The following PLG variants were observed in gnomAD, a reference collection of about 807,000 sequenced individuals.
PLG encodes the protein plasmin.
A neutral mutation model predicts 104.4 loss-of-function variants in PLG; 41 were observed. The ratio of observed to expected loss-of-function variants is 0.39; its 90% CI spans 0.31 to 0.51. PLG has a LOEUF of 0.51. PLG is among the 20% of genes least tolerant of loss of function. PLG has a pLI of 0.76. For missense variants in PLG, 891 were observed against 1,003.6 expected (o/e 0.89, Z 1.52); for synonymous variants, 337 against 357.1 (o/e 0.94, Z 0.63).
At position 160,718,379 on chromosome 6, in the gene PLG, G is replaced by A. The variant is rs1428540837; in HGVS notation, c.873G>A (p.Val291=). 2 of 1,613,642 alleles carry A rather than the reference G, an allele frequency of 1.2e-6. No homozygotes were observed. Among genetic ancestry groups the A allele is most frequent in the South Asian group, 1.1e-5 (1 of 91,066 alleles). ...ENYRGNVAVT[V]SGHTCQHWSA... ...ATCGCGGGAATGTGGCTGTTACCGT[G>A]TCCGGGCACACCTGTCAGCACTGGA... The change falls in exon 8 of 19, where the codon GTG becomes GTA. Residue 291 remains valine (V), a synonymous_variant. Transcript: ENST00000308192.
chr6:160,713,205 G>A, intron 5 of PLG, 80 bp downstream of exon 5: 1 of 1,076,084 alleles, frequency 9.3e-7, no homozygotes, highest in Non-Finnish European at 1.4e-6. Flanking sequence ...CTTCCCACAG[G>A]GATGTTATTA....
chr6:160,702,221 T>C (rs1163011340), upstream of PLG: 8 of 1,505,266 alleles, frequency 5.3e-6, no homozygotes, highest in East Asian at 1.8e-4. Context: ...GACTATCTGG[T>C]TTGTGGATGC....
At chr6:160,707,502 A>C (rs1190843555) in intron 2 of PLG, among the ~76,000 whole-genome samples, 198 bp from the exon 3 acceptor site, 1 of 152,180 alleles carries the variant, frequency 6.6e-6, no homozygotes, top group Non-Finnish European at 1.5e-5. Context: ...AAGGGCAGAT[A>C]AGATTTGCTG....
At chr6:160,727,287 T>G (rs1562377282) in intron 10 of PLG, among the ~76,000 whole-genome samples, 1 of 151,766 alleles carries the variant, frequency 6.6e-6, no homozygotes, top group East Asian at 1.9e-4. Context: ...GTATATAATC[T>G]TTAATATGTT....
In PLG at chr6:160,740,479, C is replaced by T. The variant is rs1340908565; in HGVS notation, c.2019-832C>T. ...GTTCCCACCCCACATCCCCACACCC[C>T]GAGTCTAGGGCATTTAGTGCTCCAC... is the stretch of plus-strand genomic sequence containing the variant. On this transcript the variant is annotated intron_variant, in intron 16 of 18. Transcript: ENST00000308192. This position sits in a 1 kb window ranked among gnomAD's most constrained non-coding sequence, Gnocchi z 5.2. 2.6e-5 allele frequency among the ~76,000 whole-genome samples: 4 copies of T among 152,138 alleles called. No individual in the cohort carries two copies. The highest frequency in any genetic ancestry group is 4.8e-5 in the African/African-American group (2 of 41,432).
At position 160,752,984 on chromosome 6, in the gene PLG, C is replaced by A. The variant is rs200857824; in HGVS notation, c.2356C>A (p.Arg786Ser). The change falls in exon 19 of 19, where the codon CGC (arginine) becomes AGC (serine). Residue 786 changes from arginine to serine, a missense_variant. Around this residue, in one of 2 missense-constraint regions of PLG, gnomAD observed 37 missense variants for 71.5 expected, o/e 0.52. Coordinates refer to ENST00000308192, the MANE Select transcript of PLG (RefSeq NM_000301.5). The surrounding 1 kb of genome is among the most constrained non-coding windows in gnomAD (Gnocchi z 4.7). ...GVTSWGLGCARPNKPGVYVRV... is the reference protein window; with the variant it reads ...GVTSWGLGCASPNKPGVYVRV... ...CACTTCTTGGGGTCTTGGCTGTGCA[C>A]GCCCCAATAAGCCTGGTGTCTATGT... 1.2e-6 allele frequency: 2 copies of A among 1,610,036 alleles called. No homozygotes were observed. Among genetic ancestry groups the A allele is most frequent in the African/African-American group, 1.3e-5 (1 of 74,746 alleles).
intron 12 of PLG, 77 bp from the exon 13 acceptor site, chr6:160,733,918 A>T: frequency 1.3e-6 from 1 of 778,550 alleles, no homozygotes; most frequent in Non-Finnish European, 2.4e-6. Flanking sequence ...GATAGACATG[A>T]AATGCGTGAG....
intron 3 of PLG, 39 bp downstream of exon 3, chr6:160,707,845 C>A: frequency 1.5e-6 from 2 of 1,321,380 alleles, no homozygotes; most frequent in South Asian, 1.2e-5. Flanking sequence ...ACTGTCCTCC[C>A]CATCCTCCCA....
In PLG at chr6:160,711,189, T is replaced by G. The variant is rs544452740; in HGVS notation, c.405T>G (p.Pro135=). 9.9e-6 allele frequency: 16 copies of G among 1,613,278 alleles called. No homozygotes were observed. The Middle Eastern group carries it at 5.0e-4, about 50-fold the overall frequency. The change falls in exon 4 of 19, where the codon CCT becomes CCG. Residue 135 remains proline (P), a splice_region_variant and synonymous_variant. Coordinates refer to ENST00000308192, the MANE Select transcript of PLG (RefSeq NM_000301.5). ...QKWSSTSPHR[P]RFSPATHPSE... ...GGAGTTCCACTTCTCCCCACAGACC[T>G]AGGTAAGACATTCCCTTTCATCTTT...
chr6:160,702,438 A>G (rs1777435223), intron 1 of PLG, 85 bp downstream of exon 1: 2 of 1,317,594 alleles, frequency 1.5e-6, no homozygotes, highest in African/African-American at 3.0e-5. Flanking sequence ...TTTATGTGCA[A>G]TTCATTTAAT....
intron 17 of PLG, among the ~76,000 whole-genome samples, chr6:160,747,760 C>T (rs777605871): frequency 1.9e-4 from 29 of 152,160 alleles, no homozygotes; most frequent in Non-Finnish European, 3.8e-4. Context: ...CCTTTCTGCA[C>T]TGCTGGGTCT....
At chr6:160,712,205 A>G in intron 4 of PLG, 1 of 157,738 alleles carries the variant, frequency 6.3e-6, no homozygotes, top group Non-Finnish European at 1.4e-5. Context: ...GAGGGAACTG[A>G]GGTCTCGGGG....
Position 160,736,221 on chromosome 6 carries a change from G to C in PLG, c.1682-666G>C, listed in dbSNP as rs1265181481. On this transcript the variant is annotated intron_variant, in intron 13 of 18. Coordinates refer to ENST00000308192, the MANE Select transcript of PLG (RefSeq NM_000301.5). This position sits in a 1 kb window ranked among gnomAD's most constrained non-coding sequence, Gnocchi z 5.2. The stretch of plus-strand genomic sequence containing the variant: ...CCAGAGACCCTGTGGGCTGGCTACA[G>C]AGAGAAGGCAGGGAGGAGGAAAAGA... Among the ~76,000 whole-genome samples the C allele has an allele frequency of 6.6e-6, 1 of 152,232 alleles. No individual in the cohort carries two copies. The highest frequency in any genetic ancestry group is 1.5e-5 in the Non-Finnish European group (1 of 68,030).
chr6:160,753,299 T>G lies in PLG; in HGVS notation c.*238T>G. 1 of 547,938 alleles carries G rather than the reference T, an allele frequency of 1.8e-6. No homozygotes were observed. The highest frequency in any genetic ancestry group is 2.0e-5 in the South Asian group (1 of 49,412). 33.9% of individuals were successfully genotyped at this position (547,938 alleles called of 1,614,324 possible). On this transcript the variant is annotated 3_prime_UTR_variant, in exon 19 of 19. Transcript: ENST00000308192. The surrounding 1 kb of genome is among the most constrained non-coding windows in gnomAD (Gnocchi z 5.4). ...TACTTAACTTTGATTTGAGTAAATT[T>G]TGGTTTTGGTCTTCAACATTTTCAT...
intron 17 of PLG, among the ~76,000 whole-genome samples, chr6:160,750,221 C>T (rs986399846): frequency 1.3e-5 from 2 of 152,180 alleles, no homozygotes; most frequent in Non-Finnish European, 2.9e-5. Context: ...TTTTCCAGGT[C>T]AGCCATCATC....
At chr6:160,750,353 C>T (rs1778382686) in intron 17 of PLG, among the ~76,000 whole-genome samples, 1 of 152,204 alleles carries the variant, frequency 6.6e-6, no homozygotes, top group South Asian at 2.1e-4. Flanking sequence ...GGTGCCATCT[C>T]TACATCTACC....
intron 2 of PLG, 86 bp downstream of exon 2, chr6:160,706,628 G>C: frequency 2.2e-6 from 3 of 1,366,158 alleles, no homozygotes; most frequent in Non-Finnish European, 3.1e-6. Context: ...TGATTTAAGA[G>C]GAAAGAGAAA....
Position 160,735,986 on chromosome 6 carries a change from C to T in PLG, c.1682-901C>T, listed in dbSNP as rs1310798024. On this transcript the variant is annotated intron_variant, in intron 13 of 18. Transcript: ENST00000308192. The surrounding 1 kb of genome is among the most constrained non-coding windows in gnomAD (Gnocchi z 5.4). ...AACCCAGGTTCCAGATTCACTAGAG[C>T]ATAGAATCTCTGGTTGGTTGGGAAG... Among the ~76,000 whole-genome samples, 1 of 152,192 alleles carries T rather than the reference C, an allele frequency of 6.6e-6. No individual in the cohort carries two copies. Among genetic ancestry groups the T allele is most frequent in the Non-Finnish European group, 1.5e-5 (1 of 68,038 alleles).
Position 160,718,849 on chromosome 6 carries a change from G to C in PLG, c.1096+11G>C, listed in dbSNP as rs748326693. The stretch of plus-strand genomic sequence containing the variant: ...AATTGGCTCCCACAGGTAAGCAAGG[G>C]TATGGGAGCTTACTGAGGGCCCAAG... On this transcript the variant is annotated intron_variant, in intron 9 of 18. Transcript: ENST00000308192. 4 of 1,612,926 alleles carry C rather than the reference G, an allele frequency of 2.5e-6. No individual in the cohort carries two copies. The Admixed American group carries it at 6.7e-5, about 27-fold the overall frequency.
Sources: allele counts gnomAD v4.1 joint callset (sites outside exome capture counted in the v4.1 genomes callset), GRCh38; gene constraint gnomAD v4.1.1; regional missense constraint gnomAD v4.1.1; non-coding constraint Gnocchi (gnomAD v3.1); transcripts MANE v1.5; gene names NCBI Gene and HGNC (gene_info 2026-07-23, HGNC 2026-07-21).